PPARGC1A: variants seen among roughly 807,000 people sequenced by gnomAD.
PPARGC1A encodes PPARG coactivator 1 alpha, also known as peroxisome proliferator-activated receptor gamma coactivator 1-alpha.
PPARGC1A carries 25 observed loss-of-function variants against 88.7 expected under a neutral mutation model. The ratio of observed to expected loss-of-function variants is 0.28; its 90% CI spans 0.21 to 0.39. The LOEUF is 0.39. Ranked by LOEUF, PPARGC1A falls within the 10% of genes least tolerant of loss-of-function variation. PPARGC1A has a pLI of 1.00. For synonymous variants in PPARGC1A, 363 were observed against 355.6 expected (o/e 1.02, Z -0.24); for missense variants, 880 against 968.7 (o/e 0.91, Z 1.22).
the PPARGC1A span, among the ~76,000 whole-genome samples, chr4:24,354,397 T>C: frequency 6.6e-6 from 1 of 152,244 alleles, no homozygotes; most frequent in Non-Finnish European, 1.5e-5. Flanking sequence ...GGCATTATTC[T>C]GACTACCACA....
the PPARGC1A span, among the ~76,000 whole-genome samples, chr4:24,267,212 T>C: frequency 6.6e-6 from 1 of 152,196 alleles, no homozygotes; most frequent in African/African-American, 2.4e-5. Context: ...GGAATGCTAA[T>C]ATGCAAATGC....
At chr4:24,159,952 A>T in the PPARGC1A span, among the ~76,000 whole-genome samples, 1 of 152,206 alleles carries the variant, frequency 6.6e-6, no homozygotes, top group Admixed American at 6.5e-5. Context: ...AAAGCAGCCA[A>T]ATTAACTCTC....
the PPARGC1A span, among the ~76,000 whole-genome samples, chr4:23,928,770 CAAAAAAA>C: frequency 7.3e-6 from 1 of 136,214 alleles, no homozygotes; most frequent in African/African-American, 2.7e-5. Context: ...ACAAAAAAAA[CAAAAAAA>C]AACAACAAAA....
intron 2 of PPARGC1A, among the ~76,000 whole-genome samples, chr4:23,861,836 T>C (rs565597912): frequency 2.0e-5 from 3 of 152,364 alleles, no homozygotes; most frequent in African/African-American, 7.2e-5. Flanking sequence ...AAAAGAGTTA[T>C]ATTCCTCACT....
the PPARGC1A span, among the ~76,000 whole-genome samples, chr4:24,331,581 A>G: frequency 1.3e-5 from 2 of 152,186 alleles, no homozygotes; most frequent in South Asian, 4.1e-4. Flanking sequence ...ATATTGTTAA[A>G]TAAATGAATG....
chr4:24,128,766 A>G, the PPARGC1A span, among the ~76,000 whole-genome samples: 1 of 152,226 alleles, frequency 6.6e-6, no homozygotes, highest in African/African-American at 2.4e-5. Context: ...AAGCAGCTTC[A>G]GTCTGGTGAG....
the PPARGC1A span, among the ~76,000 whole-genome samples, chr4:23,967,296 TGC>T: frequency 1.3e-5 from 2 of 152,216 alleles, no homozygotes; most frequent in Admixed American, 1.3e-4. Flanking sequence ...CACGCCACCA[TGC>T]GCCGATTATT....
chr4:23,878,924 T>C (rs994346872), intron 2 of PPARGC1A, among the ~76,000 whole-genome samples: 14 of 152,216 alleles, frequency 9.2e-5, no homozygotes, highest in Non-Finnish European at 1.5e-4. Flanking sequence ...TGTTCTTATG[T>C]TACAGCCAAT....
the PPARGC1A span, among the ~76,000 whole-genome samples, chr4:24,429,147 A>G: frequency 6.6e-6 from 1 of 152,224 alleles, no homozygotes; most frequent in Non-Finnish European, 1.5e-5. Context: ...TGGTAAAAAA[A>G]GAAAACTCAG....
At chr4:24,435,286 A>C in the PPARGC1A span, among the ~76,000 whole-genome samples, 1 of 152,340 alleles carries the variant, frequency 6.6e-6, no homozygotes, top group Admixed American at 6.5e-5. Flanking sequence ...AAGAAGTCTG[A>C]TAATGGCACA....
At chr4:24,094,225 G>T in the PPARGC1A span, among the ~76,000 whole-genome samples, 1 of 152,134 alleles carries the variant, frequency 6.6e-6, no homozygotes, top group Non-Finnish European at 1.5e-5. Flanking sequence ...GGCATTATGT[G>T]AACAAGAAAT....
At chr4:24,099,693 G>A in the PPARGC1A span, among the ~76,000 whole-genome samples, 1 of 152,254 alleles carries the variant, frequency 6.6e-6, no homozygotes. Flanking sequence ...AACATAACTA[G>A]GTTCTTGTGG....
the PPARGC1A span, among the ~76,000 whole-genome samples, chr4:24,210,841 T>C: frequency 2.6e-5 from 4 of 152,212 alleles, no homozygotes; most frequent in Admixed American, 2.0e-4. Context: ...CGGAGGGCAC[T>C]GTACTCCTGG....
chr4:24,401,271 G>T, the PPARGC1A span, among the ~76,000 whole-genome samples: 1 of 152,050 alleles, frequency 6.6e-6, no homozygotes, highest in African/African-American at 2.4e-5. Flanking sequence ...GCCTGCCTCA[G>T]CCTCCCAAAG....
chr4:24,371,159 A>T, the PPARGC1A span, among the ~76,000 whole-genome samples: 1 of 151,870 alleles, frequency 6.6e-6, no homozygotes, highest in South Asian at 2.1e-4. Flanking sequence ...TATGTGCCAC[A>T]TTTTCTTTAT....
At chr4:23,818,866 T>C (rs1282120055) in intron 7 of PPARGC1A, among the ~76,000 whole-genome samples, 1 of 140,714 alleles carries the variant, frequency 7.1e-6, no homozygotes, top group Non-Finnish European at 1.5e-5. Flanking sequence ...TTTTTTTTTT[T>C]TTGGAGTTTA....
chr4:24,464,842 C>T, the PPARGC1A span, among the ~76,000 whole-genome samples: 5 of 152,170 alleles, frequency 3.3e-5, no homozygotes, highest in African/African-American at 4.8e-5. Flanking sequence ...TCCCCTCCAC[C>T]GCATGTTTCT....
chr4:23,972,790 G>C, the PPARGC1A span, among the ~76,000 whole-genome samples: 2 of 152,120 alleles, frequency 1.3e-5, no homozygotes, highest in African/African-American at 2.4e-5. Flanking sequence ...TCAGAATCTG[G>C]TGAATGTTAC....
At chr4:24,245,974 T>TA in the PPARGC1A span, among the ~76,000 whole-genome samples, 2 of 151,548 alleles carry the variant, frequency 1.3e-5, no homozygotes, top group Non-Finnish European at 2.9e-5. Context: ...TGCTTGGTCC[T>TA]AGTACTGTTG....
Sources: gnomAD v4.1 joint callset for allele counts (sites outside exome capture counted in the v4.1 genomes callset) on GRCh38, gnomAD v4.1.1 for gene constraint, MANE v1.5 for transcripts, NCBI Gene and HGNC (gene_info 2026-07-23, HGNC 2026-07-21) for gene names.